Variants in MECOM observed in about 807,000 individuals in gnomAD.
The protein encoded by MECOM is MDS1 and EVI1 complex locus.
In MECOM, 13 loss-of-function variants were observed where a neutral mutation model predicts 116.3. The observed-to-expected ratio is 0.11, with a 90% CI of 0.07 to 0.18. MECOM has a LOEUF of 0.18. Ranked by LOEUF, MECOM falls within the 10% of genes least tolerant of loss-of-function variation. MECOM has a pLI of 1.00. For synonymous variants in MECOM, 528 were observed against 535.2 expected, an observed-to-expected ratio of 0.99 and a Z score of 0.19; for missense variants, 1,299 against 1,509.0, an observed-to-expected ratio of 0.86 and a Z score of 2.31.
At chr3:169,289,525 C>T (rs982457143) in intron 2 of MECOM, among the ~76,000 whole-genome samples, 1 of 152,184 alleles carries the variant, frequency 6.6e-6, no homozygotes. Context: ...TTCATTAGCA[C>T]ATTAACATGC....
At chr3:169,533,709 T>C (rs964062403) in intron 1 of MECOM, among the ~76,000 whole-genome samples, 10 of 151,996 alleles carry the variant, frequency 6.6e-5, no homozygotes, top group Admixed American at 2.6e-4. Flanking sequence ...TGGGTTAAGT[T>C]CCTCACAGAG....
chr3:169,585,168 T>A (rs1401204844), intron 1 of MECOM, among the ~76,000 whole-genome samples: 1 of 152,186 alleles, frequency 6.6e-6, no homozygotes, highest in Non-Finnish European at 1.5e-5. Flanking sequence ...GCAATGACCA[T>A]CTGTCTTAAA....
intron 1 of MECOM, among the ~76,000 whole-genome samples, chr3:169,654,491 CA>C (rs1775289015): frequency 6.6e-6 from 1 of 152,136 alleles, no homozygotes. Flanking sequence ...CCTAGGAGGG[CA>C]GGGGTGAACT....
intron 1 of MECOM, chr3:169,484,006 C>T (rs1751773081): frequency 3.8e-6 from 6 of 1,586,520 alleles, no homozygotes; most frequent in Middle Eastern, 4.5e-4. Context: ...GAACTTGCTT[C>T]TTTTTTTTGC....
chr3:169,363,084 G>A (rs1049964840), intron 2 of MECOM, among the ~76,000 whole-genome samples: 9 of 151,722 alleles, frequency 5.9e-5, no homozygotes, highest in African/African-American at 1.5e-4. Flanking sequence ...ACAAAATACC[G>A]CAGCTCATGC....
At chr3:169,440,141 A>T (rs1287136533) in intron 1 of MECOM, among the ~76,000 whole-genome samples, 1 of 152,162 alleles carries the variant, frequency 6.6e-6, no homozygotes, top group Non-Finnish European at 1.5e-5. Context: ...TTAGGTAGTG[A>T]GTTCACAAGT....
chr3:169,195,029 A>G (rs1382635322), intron 2 of MECOM, among the ~76,000 whole-genome samples: 3 of 152,062 alleles, frequency 2.0e-5, no homozygotes, highest in Admixed American at 1.3e-4. Context: ...CAAGTTATAG[A>G]ACATCTTTCA....
intron 2 of MECOM, chr3:169,146,140 G>T: frequency 1.3e-6 from 1 of 785,558 alleles, no homozygotes; most frequent in Non-Finnish European, 1.6e-6. Flanking sequence ...TCCAAAGATA[G>T]CTTAAAAAAA....
chr3:169,633,355 A>G (rs998672193), intron 1 of MECOM, among the ~76,000 whole-genome samples: 1 of 152,224 alleles, frequency 6.6e-6, no homozygotes. Context: ...CTCAAGTACA[A>G]TATGATCCTT....
At chr3:169,248,641 C>T (rs1282081077) in intron 2 of MECOM, among the ~76,000 whole-genome samples, 1 of 152,074 alleles carries the variant, frequency 6.6e-6, no homozygotes, top group African/African-American at 2.4e-5. Context: ...GAGAATATGA[C>T]CATATTTGGA....
intron 1 of MECOM, among the ~76,000 whole-genome samples, chr3:169,596,434 C>T (rs1199383399): frequency 6.6e-6 from 1 of 152,180 alleles, no homozygotes; most frequent in Non-Finnish European, 1.5e-5. Context: ...GTTAGTTCCT[C>T]CTTGTAGACC....
At chr3:169,269,507 A>G (rs1013905928) in intron 2 of MECOM, among the ~76,000 whole-genome samples, 2 of 152,212 alleles carry the variant, frequency 1.3e-5, no homozygotes, top group African/African-American at 4.8e-5. Flanking sequence ...CTCAAAACGC[A>G]CTCAGGGTAT....
intron 1 of MECOM, among the ~76,000 whole-genome samples, chr3:169,445,479 C>T (rs994626962): frequency 6.6e-6 from 1 of 152,198 alleles, no homozygotes; most frequent in Non-Finnish European, 1.5e-5. Context: ...TTGGGAACCT[C>T]TGCCTAGATT....
intron 2 of MECOM, among the ~76,000 whole-genome samples, chr3:169,234,507 G>T (rs990812854): frequency 6.6e-6 from 1 of 151,290 alleles, no homozygotes; most frequent in Admixed American, 6.6e-5. Context: ...AAGAAAGAAG[G>T]GAAAAAAGAA....
intron 2 of MECOM, among the ~76,000 whole-genome samples, chr3:169,186,082 C>T (rs1311243221): frequency 1.3e-5 from 2 of 152,078 alleles, no homozygotes; most frequent in Non-Finnish European, 2.9e-5. Context: ...CAACCATTGC[C>T]CATACCTAGT....
chr3:169,460,893 G>C (rs558087571), intron 1 of MECOM, among the ~76,000 whole-genome samples: 1 of 152,178 alleles, frequency 6.6e-6, no homozygotes, highest in Non-Finnish European at 1.5e-5. Context: ...ATTTACGGGA[G>C]AGTCCAAGAT....
chr3:169,496,263 T>C (rs1403680625), intron 1 of MECOM, among the ~76,000 whole-genome samples: 1 of 152,192 alleles, frequency 6.6e-6, no homozygotes, highest in Non-Finnish European at 1.5e-5. Context: ...AAAGATTCCC[T>C]TGAAGACAGA....
chr3:169,131,890 C>CA (rs1434056815), intron 3 of MECOM: 1 of 1,019,274 alleles, frequency 9.8e-7, no homozygotes, highest in African/African-American at 1.7e-5. Context: ...CACGTACTCA[C>CA]AGAGTTGAAT....
intron 2 of MECOM, among the ~76,000 whole-genome samples, chr3:169,175,101 C>G (rs1744951297): frequency 6.6e-6 from 1 of 152,114 alleles, no homozygotes; most frequent in Admixed American, 6.5e-5. Context: ...CTACAATTTT[C>G]AAGTTACCCA....
Sources: allele counts gnomAD v4.1 joint callset (sites outside exome capture counted in the v4.1 genomes callset), GRCh38; gene constraint gnomAD v4.1.1; transcripts MANE v1.5; gene names NCBI Gene and HGNC (gene_info 2026-07-23, HGNC 2026-07-21).